The following KCNQ4 variants were observed in gnomAD, a reference collection of about 807,000 sequenced individuals.
The protein encoded by KCNQ4 is potassium voltage-gated channel subfamily KQT member 4.
A neutral mutation model predicts 72.6 loss-of-function variants in KCNQ4; 31 were observed. That is an observed-to-expected ratio of 0.43 (90% confidence interval 0.32 to 0.58). The LOEUF (loss-of-function observed/expected upper bound fraction) is 0.58. Among genes scored for constraint, KCNQ4 ranks in the 20% least tolerant of loss-of-function variants. KCNQ4 has a pLI of 0.08. For synonymous variants in KCNQ4, 405 were observed against 403.7 expected, an observed-to-expected ratio of 1.00 and a Z score of -0.04; for missense variants, 869 against 962.6, an observed-to-expected ratio of 0.90 and a Z score of 1.29.
In KCNQ4 at chr1:40,822,352, C is replaced by G. The variant is rs1294916307; in HGVS notation, c.1080C>G (p.Ala360=). 20 of 1,608,434 alleles carry G rather than the reference C, an allele frequency of 1.2e-5. No homozygotes were observed. In the Admixed American group the frequency reaches 3.3e-4, roughly 27 times the overall value. Reference sequence around the variant, plus strand: ...TGTACTCCACCGATATGAGCCGGGCCTACCTGACAGCCACCTGGTACTACT... The same window carrying G: ...TGTACTCCACCGATATGAGCCGGGCGTACCTGACAGCCACCTGGTACTACT... ...WRLYSTDMSR[A]YLTATWYYYD... Residue 360 remains alanine (A), a synonymous_variant, in exon 8 of 14, where the codon GCC becomes GCG. Transcript: ENST00000347132.
intron 7 of KCNQ4, among the ~76,000 whole-genome samples, chr1:40,821,341 G>T (rs1271658726): frequency 6.6e-6 from 1 of 152,200 alleles, no homozygotes. Flanking sequence ...GGTCAGCAGT[G>T]GCAGCCCCTT....
chr1:40,796,425 G>A (rs1647411649), intron 1 of KCNQ4, among the ~76,000 whole-genome samples: 1 of 152,190 alleles, frequency 6.6e-6, no homozygotes, highest in African/African-American at 2.4e-5. Flanking sequence ...GGTAGGTACT[G>A]TTATTATGCC....
At chr1:40,810,581 C>A (rs1647906363) in intron 1 of KCNQ4, among the ~76,000 whole-genome samples, 1 of 152,174 alleles carries the variant, frequency 6.6e-6, no homozygotes, top group Admixed American at 6.5e-5. Context: ...CCATCATATC[C>A]CCATCTCTCT....
At chr1:40,802,333 G>T (rs538074965) in intron 1 of KCNQ4, among the ~76,000 whole-genome samples, 4 of 152,262 alleles carry the variant, frequency 2.6e-5, no homozygotes, top group Admixed American at 2.6e-4. Flanking sequence ...TTTCCGCTTG[G>T]CCCGCTGCTC....
intron 1 of KCNQ4, among the ~76,000 whole-genome samples, chr1:40,789,988 C>G (rs939429546): frequency 3.3e-5 from 5 of 152,330 alleles, no homozygotes; most frequent in South Asian, 2.1e-4. Flanking sequence ...CTATGGAGCC[C>G]CCCAGCAGGG....
At chr1:40,834,597 A>T (rs934832859) in intron 11 of KCNQ4, among the ~76,000 whole-genome samples, 6 of 127,286 alleles carry the variant, frequency 4.7e-5, no homozygotes, top group East Asian at 2.1e-4. Context: ...AATAAAAATT[A>T]AAAAAAAAAA....
intron 10 of KCNQ4, among the ~76,000 whole-genome samples, chr1:40,832,660 C>T (rs1648684420): frequency 6.6e-6 from 1 of 152,202 alleles, no homozygotes; most frequent in Non-Finnish European, 1.5e-5. Flanking sequence ...CCATCAAACC[C>T]CTTATCTCTG....
rs1201758120 is a variant in KCNQ4 at position 40,818,260 on chromosome 1, C to T, written c.502C>T (p.Arg168Cys). Residue 168 changes from arginine to cysteine, a missense_variant, in exon 3 of 14, where the codon CGC becomes TGC. Arg to Cys is a radical substitution (Grantham distance 180). This residue lies in a region of KCNQ4 where 179 missense variants were observed against 243.0 expected (regional missense o/e 0.74). Transcript: ENST00000347132. ...CRYRGWQGRF[R>C]FARKPFCVID... Reference sequence around the variant, plus strand: ...CTACCGAGGATGGCAGGGTCGCTTCCGCTTTGCCAGAAAGCCCTTCTGTGT... The same window carrying T: ...CTACCGAGGATGGCAGGGTCGCTTCTGCTTTGCCAGAAAGCCCTTCTGTGT... 2 of 1,613,864 alleles carry T rather than the reference C, an allele frequency of 1.2e-6. No homozygotes were observed. Among genetic ancestry groups the T allele is most frequent in the Non-Finnish European group, 1.7e-6 (2 of 1,180,036 alleles).
chr1:40,815,708 C>T (rs1441953730), intron 1 of KCNQ4, among the ~76,000 whole-genome samples: 1 of 151,870 alleles, frequency 6.6e-6, no homozygotes, highest in Non-Finnish European at 1.5e-5. Context: ...GATACACTTG[C>T]CCCCCAAAAA....
At chr1:40,836,722 G>T (rs922145133) in intron 12 of KCNQ4, among the ~76,000 whole-genome samples, 4 of 152,180 alleles carry the variant, frequency 2.6e-5, no homozygotes, top group Non-Finnish European at 5.9e-5. Context: ...TGAAGAAAGG[G>T]TTTGCTGGAA....
intron 4 of KCNQ4, 129 bp downstream of exon 4, chr1:40,818,809 G>C: frequency 9.2e-7 from 1 of 1,084,838 alleles, no homozygotes; most frequent in Non-Finnish European, 1.4e-6. Context: ...TGCGGGGGTT[G>C]GAGCCCTAGC....
chr1:40,804,410 A>G (rs115847743), intron 1 of KCNQ4, among the ~76,000 whole-genome samples: 4,268 of 152,178 alleles, frequency 0.028, 214 homozygotes, highest in African/African-American at 0.097. Context: ...CCTCTCTGGG[A>G]CTCAGTTTCC....
chr1:40,807,006 G>A (rs1405275366), intron 1 of KCNQ4, among the ~76,000 whole-genome samples: 1 of 152,222 alleles, frequency 6.6e-6, no homozygotes, highest in Non-Finnish European at 1.5e-5. Flanking sequence ...CAAAGGGGCC[G>A]GCTGAGAGGG....
chr1:40,811,206 ATTAC>A (rs1296789466), intron 1 of KCNQ4, among the ~76,000 whole-genome samples: 7 of 152,144 alleles, frequency 4.6e-5, no homozygotes, highest in Non-Finnish European at 7.3e-5. Context: ...AGTTATGGTT[ATTAC>A]TTCAGGTCAC....
In KCNQ4 at chr1:40,818,695, CCG is replaced by C. The variant is rs1553167343; in HGVS notation, c.708+22_708+23del. 2 of 1,574,396 alleles carry C rather than the reference CCG, an allele frequency of 1.3e-6. No individual in the cohort carries two copies. Among genetic ancestry groups the C allele is most frequent in the Non-Finnish European group, 1.7e-6 (2 of 1,165,364 alleles). ...CGCATAGCAAGGTGAGGCCTGCAAG[CCG>C]CGCGCGGAGACCCGAGGGCGTGTCT... On this transcript the variant is annotated intron_variant, in intron 4 of 13. Transcript: ENST00000347132.
intron 1 of KCNQ4, among the ~76,000 whole-genome samples, chr1:40,796,551 C>T (rs928021482): frequency 1.3e-5 from 2 of 152,130 alleles, no homozygotes; most frequent in African/African-American, 4.8e-5. Flanking sequence ...TGATCTTACC[C>T]ACCTAACTCA....
intron 3 of KCNQ4, 57 bp from the exon 4 acceptor site, chr1:40,818,448 C>T: frequency 6.3e-7 from 1 of 1,592,900 alleles, no homozygotes; most frequent in Non-Finnish European, 8.5e-7. Flanking sequence ...AAGTCCCCGC[C>T]TCCGGGTCCG....
intron 1 of KCNQ4, among the ~76,000 whole-genome samples, chr1:40,803,363 T>C (rs1647641417): frequency 6.6e-6 from 1 of 152,216 alleles, no homozygotes; most frequent in Non-Finnish European, 1.5e-5. Flanking sequence ...AGTCTTCAGC[T>C]GACTGGTGGC....
At chr1:40,799,072 G>T (rs147106905) in intron 1 of KCNQ4, among the ~76,000 whole-genome samples, 2 of 152,262 alleles carry the variant, frequency 1.3e-5, no homozygotes, top group African/African-American at 4.8e-5. Context: ...GGCCAGGGCC[G>T]TGGGAGAGGT....
Sources: allele counts gnomAD v4.1 joint callset (sites outside exome capture counted in the v4.1 genomes callset), GRCh38; gene constraint gnomAD v4.1.1; regional missense constraint gnomAD v4.1.1; transcripts MANE v1.5; gene names NCBI Gene and HGNC (gene_info 2026-07-23, HGNC 2026-07-21).